The following ANK2 variants were observed in gnomAD, a reference collection of about 807,000 sequenced individuals.
ANK2 encodes ankyrin-2.
Under a neutral mutation model 360.5 loss-of-function variants are expected in ANK2, and 83 were observed. That is an observed-to-expected ratio of 0.23 (90% confidence interval 0.19 to 0.28). The LOEUF is 0.28. Ranked by LOEUF, ANK2 falls within the 10% of genes least tolerant of loss-of-function variation. The probability of loss-of-function intolerance (pLI) is 1.00; values close to 1 mark genes in which losing one functional copy is unlikely to be tolerated. For missense variants in ANK2, 4,201 were observed against 4,795.7 expected, an observed-to-expected ratio of 0.88 and a Z score of 3.66; for synonymous variants, 1,740 against 1,759.5, an observed-to-expected ratio of 0.99 and a Z score of 0.28.
the ANK2 span, among the ~76,000 whole-genome samples, chr4:112,757,326 G>A: frequency 6.6e-6 from 1 of 151,876 alleles, no homozygotes; most frequent in Non-Finnish European, 1.5e-5. Flanking sequence ...CACCATGTTG[G>A]CCAGGCTGGT....
At chr4:112,712,076 T>A in the ANK2 span, among the ~76,000 whole-genome samples, 10 of 148,772 alleles carry the variant, frequency 6.7e-5, no homozygotes, top group Admixed American at 1.3e-4. Context: ...ATATATTTAT[T>A]TTTATTTATT....
chr4:113,176,747 T>G (rs1267266509), intron 2 of ANK2, among the ~76,000 whole-genome samples: 6 of 152,118 alleles, frequency 3.9e-5, no homozygotes, highest in Admixed American at 2.6e-4. Context: ...GTCAATTACA[T>G]TAGGTGTATC....
chr4:113,007,205 T>G (rs1265615998), intron 2 of ANK2, among the ~76,000 whole-genome samples: 1 of 152,226 alleles, frequency 6.6e-6, no homozygotes, highest in Non-Finnish European at 1.5e-5. Flanking sequence ...AGCTGCCCGA[T>G]TTGAGTATTT....
At chr4:112,938,408 A>G (rs1222320009) in intron 2 of ANK2, among the ~76,000 whole-genome samples, 3 of 152,194 alleles carry the variant, frequency 2.0e-5, no homozygotes, top group African/African-American at 7.2e-5. Context: ...TGAGGAATCT[A>G]TCTACCGCTA....
intron 11 of ANK2, among the ~76,000 whole-genome samples, chr4:113,256,747 G>C (rs192052113): frequency 6.6e-6 from 1 of 152,262 alleles, no homozygotes; most frequent in East Asian, 1.9e-4. Context: ...TTTAAGCTGA[G>C]AGACCATCAT....
Position 113,240,536 on chromosome 4 carries a change from G to A in ANK2, c.745G>A (p.Ala249Thr). Residue 249 changes from alanine (A) to threonine (T), a missense_variant, in exon 8 of 46, where the codon GCA becomes ACA. By Grantham distance (58) the Ala-to-Thr change is moderately conservative. Transcript: ENST00000357077. ...IAAHYGNVNV[A>T]TLLLNRGAAV... ...TGCACATTACGGAAATGTCAACGTG[G>A]CAACTCTTCTTCTAAACCGGGGAGC... 6.2e-7 allele frequency: 1 copy of A among 1,613,950 alleles called. No individual in the cohort carries two copies.
chr4:112,964,839 T>A (rs907984345), intron 2 of ANK2, among the ~76,000 whole-genome samples: 6 of 152,210 alleles, frequency 3.9e-5, no homozygotes, highest in Admixed American at 2.0e-4. Context: ...AAAGTGCTGG[T>A]ATTACAGGCG....
upstream of ANK2, among the ~76,000 whole-genome samples, chr4:113,045,930 A>G (rs2064218762): frequency 6.6e-6 from 1 of 152,212 alleles, no homozygotes; most frequent in African/African-American, 2.4e-5. Context: ...TACTGTATTT[A>G]AAAATAGTTC....
intron 1 of ANK2, among the ~76,000 whole-genome samples, chr4:112,877,188 T>C (rs1276215010): frequency 6.6e-6 from 1 of 152,170 alleles, no homozygotes; most frequent in Admixed American, 6.5e-5. Context: ...CTCTCCCTTC[T>C]GTATTTTCAA....
chr4:113,365,791 AAAT>A (rs1268501880), intron 41 of ANK2, among the ~76,000 whole-genome samples: 1 of 152,074 alleles, frequency 6.6e-6, no homozygotes, highest in African/African-American at 2.4e-5. Flanking sequence ...ATTTCTTAGA[AAAT>A]AATAAGAATA....
chr4:112,887,081 C>G (rs1482992064), intron 1 of ANK2, among the ~76,000 whole-genome samples: 1 of 152,098 alleles, frequency 6.6e-6, no homozygotes, highest in Non-Finnish European at 1.5e-5. Context: ...TCTCTTTTGA[C>G]TTCTCACTGG....
At position 112,890,556 on chromosome 4, in the gene ANK2, GTTTTTTTTTT is replaced by G. The variant is rs754680934; in HGVS notation, c.-39-13880_-39-13871del. 1.8e-4 allele frequency among the ~76,000 whole-genome samples: 12 copies of G among 67,470 alleles called. No individual in the cohort carries two copies. In the East Asian group the frequency reaches 2.6e-3, roughly 15 times the overall value. 44.3% of individuals were successfully genotyped at this position (67,470 alleles called of 152,430 possible). On this transcript the variant is annotated intron_variant, in intron 1 of 30. Coordinates refer to the ANK2 transcript ENST00000503271. ...GGAATTTATGATATACATTTCTGTG[GTTTTTTTTTT>G]TTTTTTTTTTTTTTTTTTGAGACGG... is the stretch of plus-strand genomic sequence containing the variant.
At chr4:113,103,102 C>T (rs73841215) in intron 1 of ANK2, among the ~76,000 whole-genome samples, 2,408 of 152,212 alleles carry the variant, frequency 0.016, 50 homozygotes, top group African/African-American at 0.047. Context: ...AAAATATTAT[C>T]TGTTTCATCA....
chr4:113,008,297 T>A (rs773973744), intron 2 of ANK2, among the ~76,000 whole-genome samples: 5 of 152,140 alleles, frequency 3.3e-5, no homozygotes, highest in Non-Finnish European at 5.9e-5. Flanking sequence ...AAGACTTGCA[T>A]TTGTAGTTAG....
intron 2 of ANK2, among the ~76,000 whole-genome samples, chr4:113,186,674 C>A (rs914113456): frequency 6.6e-6 from 1 of 151,358 alleles, no homozygotes; most frequent in Non-Finnish European, 1.5e-5. Context: ...GATCTCTAGT[C>A]TTTTCAAGGC....
At chr4:113,084,490 T>C (rs313967) in intron 1 of ANK2, among the ~76,000 whole-genome samples, 124,370 of 152,204 alleles carry the variant, frequency 0.82, 51,443 homozygotes, top group African/African-American at 0.95. Flanking sequence ...TTTAGGACTT[T>C]GCTTTAGAAC....
chr4:112,831,499 T>C (rs1301843474), intron 1 of ANK2, among the ~76,000 whole-genome samples: 1 of 152,168 alleles, frequency 6.6e-6, no homozygotes, highest in Admixed American at 6.5e-5. Flanking sequence ...ATCAGCACCC[T>C]GTGTCTAGCT....
rs552247161 is a variant in ANK2, at chr4:113,371,324, G to T, written c.11610+1519G>T. On this transcript the variant is annotated intron_variant, in intron 43 of 45. Coordinates refer to ENST00000357077, the MANE Select transcript of ANK2 (RefSeq NM_001148.6). Reference sequence around the variant, plus strand: ...CAGTTTTCTTAAATAATAAATTCATGCCATGAATGAATTTTTATTCCAAGT... The same window carrying T: ...CAGTTTTCTTAAATAATAAATTCATTCCATGAATGAATTTTTATTCCAAGT... Among the ~76,000 whole-genome samples, 36 of 152,260 alleles carry T rather than the reference G, an allele frequency of 2.4e-4. 1 individual carries two copies. In the South Asian group the frequency reaches 7.5e-3, roughly 32 times the overall value.
chr4:113,237,465 G>T, intron 6 of ANK2, 134 bp from the exon 7 acceptor site: 1 of 894,158 alleles, frequency 1.1e-6, no homozygotes, highest in Non-Finnish European at 1.9e-6. Context: ...TGGTGCTTGG[G>T]GATGTCTTCT....
Sources: gnomAD v4.1 joint callset for allele counts (sites outside exome capture counted in the v4.1 genomes callset) on GRCh38, gnomAD v4.1.1 for gene constraint, MANE v1.5 for transcripts, NCBI Gene and HGNC (gene_info 2026-07-23, HGNC 2026-07-21) for gene names.